Variants in TMEM132D observed in about 807,000 individuals in gnomAD.
The protein encoded by TMEM132D is mature OL transmembrane protein.
A neutral mutation model predicts 62.3 loss-of-function variants in TMEM132D; 21 were observed. The observed-to-expected ratio is 0.34, with a 90% CI of 0.24 to 0.49. The LOEUF is 0.49. Ranked by LOEUF, TMEM132D falls within the 20% of genes least tolerant of loss-of-function variation. The pLI is 0.99. For synonymous variants in TMEM132D, 621 were observed against 575.6 expected (o/e 1.08, Z -1.13); for missense variants, 1,346 against 1,402.8 (o/e 0.96, Z 0.65).
chr12:129,502,692 A>G (rs1229432096), intron 3 of TMEM132D, among the ~76,000 whole-genome samples: 1 of 152,218 alleles, frequency 6.6e-6, no homozygotes, highest in African/African-American at 2.4e-5. Flanking sequence ...TCCAGGTAGA[A>G]AAAAGAAACA....
At chr12:129,383,723 G>C (rs1871021958) in intron 3 of TMEM132D, among the ~76,000 whole-genome samples, 1 of 152,248 alleles carries the variant, frequency 6.6e-6, no homozygotes, top group African/African-American at 2.4e-5. Flanking sequence ...ATAGGTGTGA[G>C]CCACCATGCC....
chr12:129,823,704 A>T (rs149422008), intron 1 of TMEM132D, among the ~76,000 whole-genome samples: 39 of 152,332 alleles, frequency 2.6e-4, no homozygotes, highest in African/African-American at 9.4e-4. Flanking sequence ...AAGGAGGTAG[A>T]GGTGGAAGTG....
intron 2 of TMEM132D, among the ~76,000 whole-genome samples, chr12:129,625,348 A>T (rs986982092): frequency 6.6e-6 from 1 of 152,244 alleles, no homozygotes; most frequent in Non-Finnish European, 1.5e-5. Flanking sequence ...TCTCAAATAA[A>T]GTGACATTAT....
At chr12:129,665,443 C>T (rs537855349) in intron 2 of TMEM132D, among the ~76,000 whole-genome samples, 3 of 151,464 alleles carry the variant, frequency 2.0e-5, no homozygotes, top group South Asian at 2.1e-4. Flanking sequence ...TGGGCAAAGA[C>T]GAAACCAGAC....
chr12:129,638,059 C>A (rs1326783722), intron 2 of TMEM132D, among the ~76,000 whole-genome samples: 2 of 152,202 alleles, frequency 1.3e-5, no homozygotes, highest in Non-Finnish European at 2.9e-5. Context: ...ACTCCCTGCA[C>A]AATTTCTGTG....
chr12:129,199,571 T>C (rs932259071), intron 5 of TMEM132D, among the ~76,000 whole-genome samples: 2 of 152,232 alleles, frequency 1.3e-5, no homozygotes, highest in African/African-American at 4.8e-5. Flanking sequence ...TATTTACTCC[T>C]GTATTATCCA....
chr12:129,585,461 G>A (rs1442112986), intron 2 of TMEM132D, among the ~76,000 whole-genome samples: 4 of 152,174 alleles, frequency 2.6e-5, no homozygotes, highest in Admixed American at 1.3e-4. Flanking sequence ...TGGCAGGAGC[G>A]CTGTCATTGG....
chr12:129,703,717 AC>A (rs753807942), intron 1 of TMEM132D, among the ~76,000 whole-genome samples: 1 of 152,170 alleles, frequency 6.6e-6, no homozygotes, highest in Non-Finnish European at 1.5e-5. Flanking sequence ...TGTAATTCTT[AC>A]TTGAAGGAGA....
chr12:129,605,604 T>TATATATATATATATATATATATATAA, intron 2 of TMEM132D, among the ~76,000 whole-genome samples: 1 of 106,280 alleles, frequency 9.4e-6, no homozygotes, highest in African/African-American at 3.9e-5. Flanking sequence ...TATATATATA[T>TATATATATATATATATATATATATAA]ACACACACAT....
chr12:129,358,902 G>T (rs1402435688), intron 3 of TMEM132D, among the ~76,000 whole-genome samples: 1 of 151,844 alleles, frequency 6.6e-6, no homozygotes, highest in Non-Finnish European at 1.5e-5. Context: ...TACCCAGAGG[G>T]CTTGGGATTG....
intron 2 of TMEM132D, among the ~76,000 whole-genome samples, chr12:129,683,634 G>A (rs1340665698): frequency 6.6e-6 from 1 of 152,176 alleles, no homozygotes; most frequent in Non-Finnish European, 1.5e-5. Context: ...TACATGGACA[G>A]ATGACATGTA....
intron 5 of TMEM132D, among the ~76,000 whole-genome samples, chr12:129,094,663 C>T (rs1304829929): frequency 6.6e-6 from 1 of 152,046 alleles, no homozygotes; most frequent in Admixed American, 6.6e-5. Flanking sequence ...ACCATTTGAC[C>T]CAGCCATCCT....
intron 3 of TMEM132D, among the ~76,000 whole-genome samples, chr12:129,463,650 AT>A (rs1873767200): frequency 7.5e-6 from 1 of 134,212 alleles, no homozygotes; most frequent in Non-Finnish European, 1.6e-5. Context: ...ACAGGCCCCG[AT>A]GTGTGATGTT....
chr12:129,687,046 C>T (rs1431829595), intron 2 of TMEM132D, among the ~76,000 whole-genome samples: 1 of 152,186 alleles, frequency 6.6e-6, no homozygotes, highest in Non-Finnish European at 1.5e-5. Context: ...CAAACTGCTC[C>T]TTTCAAATGT....
chr12:129,650,439 T>C (rs114103933), intron 2 of TMEM132D, among the ~76,000 whole-genome samples: 2,251 of 152,312 alleles, frequency 0.015, 48 homozygotes, highest in African/African-American at 0.05. Context: ...ATCATATTTT[T>C]TGTGAGCAAG....
intron 2 of TMEM132D, among the ~76,000 whole-genome samples, chr12:129,583,058 T>G (rs2137128297): frequency 6.6e-6 from 1 of 152,354 alleles, no homozygotes; most frequent in African/African-American, 2.4e-5. Context: ...TCTGCCCACC[T>G]CAGCCTCCCA....
At chr12:129,757,687 G>A (rs145422109) in intron 1 of TMEM132D, among the ~76,000 whole-genome samples, 155 of 152,240 alleles carry the variant, frequency 1.0e-3, no homozygotes, top group South Asian at 9.1e-3. Context: ...CTCCAAAAGG[G>A]TTTCCTGAGG....
intron 2 of TMEM132D, among the ~76,000 whole-genome samples, chr12:129,547,103 C>T (rs1876758158): frequency 6.6e-6 from 1 of 152,132 alleles, no homozygotes; most frequent in African/African-American, 2.4e-5. Flanking sequence ...AGGGAAGAAT[C>T]CTCCCATTGC....
intron 3 of TMEM132D, among the ~76,000 whole-genome samples, chr12:129,377,030 G>T (rs1454421203): frequency 1.3e-5 from 2 of 152,188 alleles, no homozygotes; most frequent in African/African-American, 4.8e-5. Context: ...CTGGTTTGAA[G>T]CTGCCCAATT....
Sources: gnomAD v4.1 joint callset for allele counts (sites outside exome capture counted in the v4.1 genomes callset) on GRCh38, gnomAD v4.1.1 for gene constraint, MANE v1.5 for transcripts, NCBI Gene and HGNC (gene_info 2026-07-23, HGNC 2026-07-21) for gene names.